The following NDEL1 variants were observed in gnomAD, a reference collection of about 807,000 sequenced individuals.
NDEL1 encodes nudE neurodevelopment protein 1 like 1.
NDEL1 carries 9 observed loss-of-function variants against 45.7 expected under a neutral mutation model. The ratio of observed to expected loss-of-function variants is 0.20; its 90% CI spans 0.12 to 0.34. The LOEUF (loss-of-function observed/expected upper bound fraction) is 0.34, where lower values mean the gene tolerates loss of function less well. NDEL1 is among the 10% of genes least tolerant of loss of function. NDEL1 has a pLI of 1.00. For missense variants in NDEL1, 306 were observed against 406.2 expected (o/e 0.75, Z 2.12); for synonymous variants, 133 against 158.6 (o/e 0.84, Z 1.21).
chr17:8,469,022 C>T (rs781373662), downstream of NDEL1, among the ~76,000 whole-genome samples: 36 of 151,978 alleles, frequency 2.4e-4, no homozygotes, highest in Admixed American at 3.9e-4. Context: ...CCACAAAAAC[C>T]CTGAGTGAAT....
intron 2 of NDEL1, 138 bp from the exon 3 acceptor site, chr17:8,445,573 C>G (rs895556183): frequency 2.0e-5 from 17 of 862,708 alleles, no homozygotes; most frequent in Non-Finnish European, 2.7e-5. Flanking sequence ...GTAAGAGATG[C>G]AAAACAGATT....
At chr17:8,437,913 T>C (rs544303349) in intron 1 of NDEL1, among the ~76,000 whole-genome samples, 2 of 151,112 alleles carry the variant, frequency 1.3e-5, no homozygotes, top group Non-Finnish European at 2.9e-5. Context: ...TGTGTCCGTA[T>C]TGAGATCTGG....
upstream of NDEL1, among the ~76,000 whole-genome samples, chr17:8,433,055 G>C (rs1168157054): frequency 2.6e-5 from 4 of 151,142 alleles, no homozygotes; most frequent in Admixed American, 2.6e-4. Flanking sequence ...TTGTCTTCAG[G>C]ATTGTACTGG....
At chr17:8,425,783 C>CTTTTTTTTTTTTT (rs374111380) in intron 1 of NDEL1, among the ~76,000 whole-genome samples, 1 of 144,952 alleles carries the variant, frequency 6.9e-6, no homozygotes, top group Non-Finnish European at 1.5e-5. Flanking sequence ...GGTTCTTTGT[C>CTTTTTTTTTTTTT]TTTTTTTTTT....
chr17:8,414,379 G>A lies in NDEL1; in HGVS notation c.-13+1110G>A, dbSNP rs114819406. On this transcript the variant is annotated intron_variant, in intron 1 of 4. Coordinates refer to the NDEL1 transcript ENST00000582812. ...TGTCCAGATTCCCTTAAGAAATGTCGTACCATGGCCGGGCGCGGTGGCTCA... is the reference window on the plus strand; with the variant it reads ...TGTCCAGATTCCCTTAAGAAATGTCATACCATGGCCGGGCGCGGTGGCTCA... Among the ~76,000 whole-genome samples the A allele has an allele frequency of 8.0e-3, 1,224 of 152,158 alleles. 13 individuals are homozygous for A. The highest frequency in any genetic ancestry group is 0.028 in the African/African-American group (1,160 of 41,504).
intron 8 of NDEL1, among the ~76,000 whole-genome samples, chr17:8,464,030 G>A (rs994480686): frequency 6.6e-6 from 1 of 152,194 alleles, no homozygotes; most frequent in Non-Finnish European, 1.5e-5. Context: ...CCTGATCCTT[G>A]CTGCTTTGAC....
At chr17:8,469,679 G>T (rs1338362809), downstream of NDEL1, among the ~76,000 whole-genome samples, 1 of 149,356 alleles carries the variant, frequency 6.7e-6, no homozygotes, top group Non-Finnish European at 1.5e-5. Flanking sequence ...ATTTAGCAGT[G>T]GGGGGTTATA....
Position 8,446,916 on chromosome 17 carries a change from T to C in NDEL1, c.389+14T>C. The C allele has an allele frequency of 1.2e-6, 2 of 1,611,150 alleles. No homozygotes were observed. The highest frequency in any genetic ancestry group is 1.7e-6 in the Non-Finnish European group (2 of 1,178,408). On this transcript the variant is annotated intron_variant, in intron 4 of 8. Transcript: ENST00000334527. ...GCGAGCCAAAAGGTAAACGAATGAC[T>C]GCATTTTGTTAGAAAAAAACCACCT...
intron 1 of NDEL1, among the ~76,000 whole-genome samples, chr17:8,441,753 G>A (rs1909750300): frequency 6.6e-6 from 1 of 151,926 alleles, no homozygotes; most frequent in African/African-American, 2.4e-5. Context: ...CATTCTATGG[G>A]CCTGATGGAC....
chr17:8,426,738 T>C (rs567243406), intron 1 of NDEL1, among the ~76,000 whole-genome samples: 81 of 152,170 alleles, frequency 5.3e-4, no homozygotes, highest in Non-Finnish European at 8.4e-4. Context: ...CAGAGATTCA[T>C]GGGAGCATGG....
intron 8 of NDEL1, chr17:8,461,061 A>G (rs1911168796): frequency 6.6e-6 from 1 of 152,228 alleles, no homozygotes. Flanking sequence ...GAAACAGCCA[A>G]CAGGCACCCG....
upstream of NDEL1, among the ~76,000 whole-genome samples, chr17:8,434,501 G>A (rs919088368): frequency 2.6e-5 from 4 of 152,166 alleles, no homozygotes; most frequent in Non-Finnish European, 4.4e-5. Context: ...CCTGGCCGAA[G>A]TCAGGAGTTC....
chr17:8,457,753 C>T (rs886167963), intron 7 of NDEL1, among the ~76,000 whole-genome samples: 4 of 152,186 alleles, frequency 2.6e-5, no homozygotes, highest in Non-Finnish European at 4.4e-5. Flanking sequence ...AAATTCCTGT[C>T]CGTGGCTAAT....
At chr17:8,473,206 C>T (rs1002509040) in intron 3 of NDEL1, among the ~76,000 whole-genome samples, 10 of 151,246 alleles carry the variant, frequency 6.6e-5, no homozygotes, top group African/African-American at 2.2e-4. Flanking sequence ...TTTTTTGAGA[C>T]GGAGTCGCCC....
chr17:8,460,159 G>A lies in NDEL1; in HGVS notation c.943G>A (p.Gly315Arg), dbSNP rs1425715820. ...RSGHTSFFDK[G>R]AVNGFDPAPP... ...AGGGCATACATCTTTCTTCGACAAA[G>A]GGTAAGTCCTGAATGTTTTAAGTGA... The change falls in exon 8 of 9, where the codon GGG becomes AGG. Residue 315 changes from glycine (G) to arginine (R), a missense_variant and splice_region_variant. Around this residue, in one of 3 missense-constraint regions of NDEL1, gnomAD observed 175 missense variants for 205.2 expected, o/e 0.85. Coordinates refer to ENST00000334527, the MANE Select transcript of NDEL1 (RefSeq NM_030808.5). 1.2e-6 allele frequency: 2 copies of A among 1,611,328 alleles called. No homozygotes were observed. The highest frequency in any genetic ancestry group is 1.7e-6 in the Non-Finnish European group (2 of 1,179,064).
intron 7 of NDEL1, among the ~76,000 whole-genome samples, chr17:8,459,133 G>T (rs1226794319): frequency 6.6e-6 from 1 of 152,144 alleles, no homozygotes; most frequent in African/African-American, 2.4e-5. Context: ...TAATTTAGCT[G>T]TGCATTCCCA....
chr17:8,444,236 A>G, intron 1 of NDEL1, 24 bp from the exon 2 acceptor site: 2 of 1,425,806 alleles, frequency 1.4e-6, no homozygotes, highest in Non-Finnish European at 2.0e-6. Context: ...CTAATTTGTT[A>G]AGTTTGTCTT....
At chr17:8,457,187 C>T (rs959291075) in intron 7 of NDEL1, among the ~76,000 whole-genome samples, 2 of 152,132 alleles carry the variant, frequency 1.3e-5, no homozygotes, top group Admixed American at 1.3e-4. Flanking sequence ...AAACCTACAC[C>T]TTTCTTTGCT....
Position 8,444,317 on chromosome 17 carries a change from A to G in NDEL1, c.46A>G (p.Thr16Ala). 6.2e-7 allele frequency: 1 copy of G among 1,613,706 alleles called. No individual in the cohort carries two copies. The highest frequency in any genetic ancestry group is 1.1e-5 in the South Asian group (1 of 91,002). Residue 16 changes from threonine to alanine, a missense_variant, in exon 2 of 9, where the codon ACT (threonine) becomes GCT (alanine). Transcript: ENST00000334527. Reference sequence around the variant, plus strand: ...AGATTTTTCAAGTTTAAAGGAGGAAACTGCTTATTGGAAGGAACTTTCCTT... The same window carrying G: ...AGATTTTTCAAGTTTAAAGGAGGAAGCTGCTTATTGGAAGGAACTTTCCTT... ...IPDFSSLKEE[T>A]AYWKELSLKY...
Sources: allele counts gnomAD v4.1 joint callset (sites outside exome capture counted in the v4.1 genomes callset), GRCh38; gene constraint gnomAD v4.1.1; regional missense constraint gnomAD v4.1.1; transcripts MANE v1.5; gene names NCBI Gene and HGNC (gene_info 2026-07-23, HGNC 2026-07-21).